The following ZFPM2 variants were observed in gnomAD, a reference collection of about 807,000 sequenced individuals.
ZFPM2 encodes zinc finger protein, FOG family member 2.
Under a neutral mutation model 98.6 loss-of-function variants are expected in ZFPM2, and 20 were observed. The ratio of observed to expected loss-of-function variants is 0.20; its 90% confidence interval spans 0.14 to 0.29. The LOEUF (loss-of-function observed/expected upper bound fraction) is 0.29. ZFPM2 is among the 10% of genes least tolerant of loss of function. The pLI is 1.00. For synonymous variants in ZFPM2, 518 were observed against 502.7 expected, an observed-to-expected ratio of 1.03 and a Z score of -0.41; for missense variants, 1,310 against 1,388.6, an observed-to-expected ratio of 0.94 and a Z score of 0.90.
chr8:105,646,121 G>A (rs1454881451), intron 5 of ZFPM2, among the ~76,000 whole-genome samples: 1 of 150,448 alleles, frequency 6.6e-6, no homozygotes, highest in Non-Finnish European at 1.5e-5. Context: ...CTTCTCTATG[G>A]GACACGTGTT....
At chr8:105,440,580 G>A (rs559050136) in intron 2 of ZFPM2, among the ~76,000 whole-genome samples, 49 of 152,140 alleles carry the variant, frequency 3.2e-4, no homozygotes, top group Non-Finnish European at 5.9e-4. Flanking sequence ...TAGTGCACAA[G>A]GTGTGGGTGG....
chr8:105,561,963 G>T (rs904994719), intron 4 of ZFPM2, among the ~76,000 whole-genome samples: 4 of 151,954 alleles, frequency 2.6e-5, no homozygotes, highest in African/African-American at 9.7e-5. Flanking sequence ...AGAACAGAAA[G>T]TCTATCTCTT....
rs1181745433 is a variant in ZFPM2, at chr8:105,802,782, C to T, written c.2700C>T (p.Ser900=). The T allele has an allele frequency of 5.0e-6, 8 of 1,613,372 alleles. No individual in the cohort carries two copies. Among genetic ancestry groups the T allele is most frequent in the African/African-American group, 4.0e-5 (3 of 74,876 alleles). Residue 900 remains serine (S), a synonymous_variant, in exon 8 of 8, where the codon AGC becomes AGT. Coordinates refer to ENST00000407775, the MANE Select transcript of ZFPM2 (RefSeq NM_012082.4). The part of the protein sequence containing the change: ...LDGKVFPNPE[S]ERNSPDVSYE... ...GCAAAGTGTTTCCGAATCCAGAAAG[C>T]GAACGAAACAGCCCTGATGTCAGCT...
intron 5 of ZFPM2, among the ~76,000 whole-genome samples, chr8:105,651,372 G>T (rs1270647142): frequency 6.6e-6 from 1 of 151,550 alleles, no homozygotes; most frequent in African/African-American, 2.4e-5. Flanking sequence ...GGAGGCTGAG[G>T]CAGGAGAATT....
chr8:105,572,537 A>T (rs1002633792), intron 4 of ZFPM2, among the ~76,000 whole-genome samples: 5 of 151,712 alleles, frequency 3.3e-5, no homozygotes, highest in Non-Finnish European at 5.9e-5. Context: ...GCGTGATCTC[A>T]GTTCACCACA....
At chr8:105,541,521 A>G (rs1191982078) in intron 3 of ZFPM2, among the ~76,000 whole-genome samples, 1 of 152,196 alleles carries the variant, frequency 6.6e-6, no homozygotes, top group East Asian at 1.9e-4. Flanking sequence ...TCAGAGGAAT[A>G]TACCCATTTA....
At chr8:105,676,142 T>C (rs1263374144) in intron 5 of ZFPM2, 1 of 152,200 alleles carries the variant, frequency 6.6e-6, no homozygotes, top group Non-Finnish European at 1.5e-5. Context: ...GTCTCTTGCT[T>C]TTTAATAAAC....
intron 3 of ZFPM2, among the ~76,000 whole-genome samples, chr8:105,487,931 TA>T (rs1325736694): frequency 6.8e-5 from 4 of 58,952 alleles, no homozygotes; most frequent in African/African-American, 2.1e-4. Context: ...TCTATCTATC[TA>T]GCTAGCTAGC....
At chr8:105,379,492 G>A (rs577310755) in intron 1 of ZFPM2, among the ~76,000 whole-genome samples, 10 of 152,224 alleles carry the variant, frequency 6.6e-5, no homozygotes, top group Admixed American at 2.0e-4. Context: ...GGTGGCTCAC[G>A]CCTGTAATCC....
At chr8:105,620,445 T>G (rs1816514764) in intron 4 of ZFPM2, among the ~76,000 whole-genome samples, 1 of 152,220 alleles carries the variant, frequency 6.6e-6, no homozygotes, top group African/African-American at 2.4e-5. Flanking sequence ...CTTTGTCAGT[T>G]GGGCAGATTG....
At chr8:105,542,635 T>A (rs1028018432) in intron 3 of ZFPM2, among the ~76,000 whole-genome samples, 2 of 152,216 alleles carry the variant, frequency 1.3e-5, no homozygotes, top group Non-Finnish European at 2.9e-5. Context: ...CAGGGTCTAC[T>A]GTGGGACTTG....
chr8:105,597,670 C>A lies in ZFPM2; in HGVS notation c.420+36189C>A, dbSNP rs543563378. The stretch of plus-strand genomic sequence containing the variant: ...ATAATAATGATAGGCTGCTATCAAC[C>A]CATCTTAATTTAGTAATAAAAAGGA... On this transcript the variant is annotated intron_variant, in intron 4 of 7. Coordinates refer to ENST00000407775, the MANE Select transcript of ZFPM2 (RefSeq NM_012082.4). 7.2e-5 allele frequency among the ~76,000 whole-genome samples: 11 copies of A among 152,118 alleles called. No individual in the cohort carries two copies. In the South Asian group the frequency reaches 2.3e-3, roughly 32 times the overall value.
At chr8:105,550,077 C>G (rs1053161419) in intron 3 of ZFPM2, among the ~76,000 whole-genome samples, 2 of 152,114 alleles carry the variant, frequency 1.3e-5, no homozygotes, top group Admixed American at 1.3e-4. Context: ...ATCTTACTAG[C>G]TTTCTTCTTT....
Position 105,798,638 on chromosome 8 carries a change from G to A in ZFPM2, c.740-86G>A. On this transcript the variant is annotated intron_variant, in intron 6 of 7. Transcript: ENST00000407775. ...AATTAAGAACCTGAGAGCGGAGTCTGAGAAAAATTGAACTAAATGCTGCTT... is the reference window on the plus strand; with the variant it reads ...AATTAAGAACCTGAGAGCGGAGTCTAAGAAAAATTGAACTAAATGCTGCTT... 8.3e-6 allele frequency: 10 copies of A among 1,198,416 alleles called. No homozygotes were observed. The South Asian group carries it at 1.4e-4, about 17-fold the overall frequency. 74.2% of individuals were successfully genotyped at this position (1,198,416 alleles called of 1,614,324 possible). A position where few individuals can be genotyped will look rare whatever the true frequency, so the allele number is the denominator to read the frequency against.
rs1009373356 is a variant in ZFPM2 at position 105,788,877 on chromosome 8, C to T, written c.692C>T (p.Pro231Leu). The T allele has an allele frequency of 1.2e-6, 2 of 1,613,670 alleles. No individual in the cohort carries two copies. Among genetic ancestry groups the T allele is most frequent in the African/African-American group, 2.7e-5 (2 of 74,872 alleles). Residue 231 changes from proline (P) to leucine (L), a missense_variant, in exon 6 of 8, where the codon CCT becomes CTT. Transcript: ENST00000407775. ...CTGCTGGACTCAATTCAGCTGCTTC[C>T]TCAGCAAGCTGCCATGGCTTCTATT... ...ARLLDSIQLL[P>L]QQAAMASILP...
intron 4 of ZFPM2, among the ~76,000 whole-genome samples, chr8:105,572,434 TA>T (rs1307859052): frequency 2.6e-5 from 4 of 152,134 alleles, no homozygotes; most frequent in African/African-American, 9.7e-5. Context: ...GAGATTAACA[TA>T]TTTTTGCCTG....
At chr8:105,477,612 G>A (rs1293544425) in intron 3 of ZFPM2, among the ~76,000 whole-genome samples, 1 of 152,026 alleles carries the variant, frequency 6.6e-6, no homozygotes, top group Non-Finnish European at 1.5e-5. Flanking sequence ...AATATTAATA[G>A]TAGTTTGTAA....
intron 1 of ZFPM2, among the ~76,000 whole-genome samples, chr8:105,320,351 A>G (rs373582749): frequency 3.3e-5 from 5 of 151,150 alleles, no homozygotes; most frequent in Non-Finnish European, 5.9e-5. Flanking sequence ...TCCTTCTCTT[A>G]TACTTCAGTT....
At chr8:105,701,644 A>G (rs1811144251) in intron 5 of ZFPM2, among the ~76,000 whole-genome samples, 1 of 152,216 alleles carries the variant, frequency 6.6e-6, no homozygotes, top group African/African-American at 2.4e-5. Context: ...AAGTAGTGGT[A>G]GAAATATGCA....
Sources: allele counts gnomAD v4.1 joint callset (sites outside exome capture counted in the v4.1 genomes callset), GRCh38; gene constraint gnomAD v4.1.1; transcripts MANE v1.5; gene names NCBI Gene and HGNC (gene_info 2026-07-23, HGNC 2026-07-21).